The following PRMT3 variants were observed in gnomAD, a reference collection of about 807,000 sequenced individuals.
PRMT3 encodes the protein protein arginine N-methyltransferase 3.
A neutral mutation model predicts 71.9 loss-of-function variants in PRMT3; 62 were observed. That is an observed-to-expected ratio of 0.86 (90% confidence interval 0.70 to 1.07). The LOEUF is 1.07. Ranked by LOEUF, PRMT3 falls within the 50% of genes least tolerant of loss-of-function variation. The probability of loss-of-function intolerance (pLI) is 0.00; values close to 1 mark genes in which losing one functional copy is unlikely to be tolerated. For missense variants in PRMT3, 663 were observed against 643.0 expected (o/e 1.03, Z -0.34); for synonymous variants, 213 against 220.4 (o/e 0.97, Z 0.30).
At chr11:20,470,855 C>T (rs963134335) in intron 13 of PRMT3, among the ~76,000 whole-genome samples, 3 of 152,184 alleles carry the variant, frequency 2.0e-5, no homozygotes, top group African/African-American at 7.2e-5. Flanking sequence ...TACATTTCCA[C>T]CAACCATGTA....
chr11:20,453,211 T>C (rs754062423), intron 11 of PRMT3, among the ~76,000 whole-genome samples: 17 of 150,888 alleles, frequency 1.1e-4, no homozygotes, highest in Non-Finnish European at 8.8e-5. Flanking sequence ...CTGGGTGCAG[T>C]GGCTCACGCT....
chr11:20,408,121 C>G, intron 9 of PRMT3, 89 bp downstream of exon 9: 1 of 910,186 alleles, frequency 1.1e-6, no homozygotes, highest in South Asian at 2.4e-5. Flanking sequence ...CTATCTAAGG[C>G]AGACTAAAGA....
At chr11:20,481,416 T>A (rs1485711483) in intron 13 of PRMT3, among the ~76,000 whole-genome samples, 4 of 152,142 alleles carry the variant, frequency 2.6e-5, no homozygotes, top group Non-Finnish European at 5.9e-5. Context: ...AGCATCTTGC[T>A]AGACTGCATG....
intron 13 of PRMT3, among the ~76,000 whole-genome samples, chr11:20,484,417 G>T (rs1010390145): frequency 1.4e-4 from 7 of 50,448 alleles, no homozygotes; most frequent in Admixed American, 1.8e-4. Flanking sequence ...ATATGGTTTG[G>T]CTGTGTCCTC....
intron 9 of PRMT3, among the ~76,000 whole-genome samples, chr11:20,422,889 C>T (rs1157014338): frequency 6.6e-6 from 1 of 152,192 alleles, no homozygotes; most frequent in Non-Finnish European, 1.5e-5. Flanking sequence ...AGGGATCAAC[C>T]TGGCACATAG....
At chr11:20,507,978 C>T (rs1203945507) in intron 15 of PRMT3, among the ~76,000 whole-genome samples, 5 of 151,296 alleles carry the variant, frequency 3.3e-5, no homozygotes, top group African/African-American at 9.7e-5. Flanking sequence ...TGGTGGCATG[C>T]GCCTGTAGTC....
chr11:20,487,763 A>G (rs1851111064), intron 13 of PRMT3, among the ~76,000 whole-genome samples: 1 of 152,260 alleles, frequency 6.6e-6, no homozygotes, highest in African/African-American at 2.4e-5. Context: ...AATGTGAGGT[A>G]TCAATTTATG....
At chr11:20,481,755 G>A (rs867335468) in intron 13 of PRMT3, among the ~76,000 whole-genome samples, 1 of 152,058 alleles carries the variant, frequency 6.6e-6, no homozygotes. Flanking sequence ...TGCACCTTAT[G>A]CATTGCTCTC....
intron 9 of PRMT3, among the ~76,000 whole-genome samples, chr11:20,410,966 C>T (rs1055012793): frequency 2.0e-5 from 3 of 151,934 alleles, no homozygotes; most frequent in Non-Finnish European, 4.4e-5. Context: ...CTTATAAAGC[C>T]AGAGCTAACA....
rs1850431583 is a variant in PRMT3, at chr11:20,463,357, A to G, written c.1261-1103A>G. Among the ~76,000 whole-genome samples the G allele has an allele frequency of 2.0e-5, 3 of 152,330 alleles. No individual in the cohort carries two copies. In the South Asian group the frequency reaches 6.2e-4, roughly 32 times the overall value. ...TTATACGACTTCAGTGCTCTGGTAC[A>G]GTGAGAATAAAGAGTTTATTTGGGC... On this transcript the variant is annotated intron_variant, in intron 12 of 15. Transcript: ENST00000331079.
chr11:20,417,204 C>T (rs984273699), intron 9 of PRMT3, among the ~76,000 whole-genome samples: 1 of 152,090 alleles, frequency 6.6e-6, no homozygotes, highest in African/African-American at 2.4e-5. Flanking sequence ...TATTCCCTTC[C>T]AAAATCTCCA....
intron 9 of PRMT3, among the ~76,000 whole-genome samples, chr11:20,414,500 A>G (rs1849259268): frequency 6.6e-6 from 1 of 152,186 alleles, no homozygotes; most frequent in Non-Finnish European, 1.5e-5. Context: ...CATTTCGGCA[A>G]CATAAACTTA....
intron 9 of PRMT3, among the ~76,000 whole-genome samples, chr11:20,418,632 T>C (rs562331964): frequency 5.3e-5 from 8 of 152,214 alleles, no homozygotes; most frequent in African/African-American, 1.9e-4. Flanking sequence ...TGGGAACATT[T>C]TTCTCTTTTA....
At chr11:20,463,304 C>T (rs1565223350) in intron 12 of PRMT3, among the ~76,000 whole-genome samples, 1 of 152,192 alleles carries the variant, frequency 6.6e-6, no homozygotes, top group Non-Finnish European at 1.5e-5. Context: ...GTGCGTTCAG[C>T]TTTTAAGAAA....
chr11:20,442,769 C>T (rs1229135192), intron 10 of PRMT3, among the ~76,000 whole-genome samples: 1 of 152,164 alleles, frequency 6.6e-6, no homozygotes, highest in Non-Finnish European at 1.5e-5. Context: ...ATTGTATAGA[C>T]AATTACATTC....
chr11:20,475,652 CTTTTTTT>C (rs59969495), intron 13 of PRMT3, among the ~76,000 whole-genome samples: 5 of 100,546 alleles, frequency 5.0e-5, no homozygotes, highest in Admixed American at 3.9e-4. Context: ...TACTTAATGT[CTTTTTTT>C]TTTTTTTTTT....
intron 15 of PRMT3, among the ~76,000 whole-genome samples, chr11:20,502,216 T>C (rs553159260): frequency 1.3e-5 from 2 of 152,322 alleles, no homozygotes; most frequent in South Asian, 4.1e-4. Flanking sequence ...ACAACATCAG[T>C]CATTTTATAT....
chr11:20,474,179 G>A (rs868032093), intron 13 of PRMT3, among the ~76,000 whole-genome samples: 9 of 152,188 alleles, frequency 5.9e-5, no homozygotes, highest in Non-Finnish European at 1.0e-4. Context: ...TCAGGGATCC[G>A]CTTAAAGAAG....
At chr11:20,427,688 T>A (rs1362699393) in intron 10 of PRMT3, among the ~76,000 whole-genome samples, 3 of 152,014 alleles carry the variant, frequency 2.0e-5, no homozygotes, top group Admixed American at 2.0e-4. Context: ...ATCACGCCAC[T>A]GCACCCCAAC....
Sources: allele counts gnomAD v4.1 joint callset (sites outside exome capture counted in the v4.1 genomes callset), GRCh38; gene constraint gnomAD v4.1.1; transcripts MANE v1.5; gene names NCBI Gene and HGNC (gene_info 2026-07-23, HGNC 2026-07-21).